The following LUZP2 variants were observed in gnomAD, a reference collection of about 807,000 sequenced individuals.
LUZP2 encodes leucine zipper protein 2.
A neutral mutation model predicts 51.6 loss-of-function variants in LUZP2; 52 were observed. The observed-to-expected ratio is 1.01, with a 90% confidence interval of 0.81 to 1.27. The LOEUF is 1.27. Ranked by LOEUF, LUZP2 falls within the 50% of genes most tolerant of loss-of-function variation. The pLI is 0.00. For missense variants in LUZP2, 436 were observed against 395.4 expected, an observed-to-expected ratio of 1.10 and a Z score of -0.87; for synonymous variants, 154 against 137.3, an observed-to-expected ratio of 1.12 and a Z score of -0.85.
intron 9 of LUZP2, among the ~76,000 whole-genome samples, chr11:24,998,518 G>T (rs1221740043): frequency 1.3e-5 from 2 of 152,170 alleles, no homozygotes; most frequent in Non-Finnish European, 2.9e-5. Context: ...AGGAGATTTT[G>T]GGTGAGACAA....
intron 10 of LUZP2, among the ~76,000 whole-genome samples, chr11:25,075,374 G>A (rs1859270408): frequency 6.6e-6 from 1 of 152,178 alleles, no homozygotes; most frequent in East Asian, 1.9e-4. Flanking sequence ...CCTAAATGTG[G>A]CCATACAAAG....
chr11:24,531,960 A>G (rs905261005), intron 1 of LUZP2, among the ~76,000 whole-genome samples: 1 of 150,902 alleles, frequency 6.6e-6, no homozygotes, highest in African/African-American at 2.4e-5. Context: ...CTTAATTCCA[A>G]CTGCTACCAC....
intron 1 of LUZP2, among the ~76,000 whole-genome samples, chr11:24,605,849 G>T (rs892520228): frequency 1.3e-5 from 2 of 151,428 alleles, no homozygotes; most frequent in African/African-American, 4.9e-5. Flanking sequence ...CCTTTGACCA[G>T]CATATCCCCA....
intron 5 of LUZP2, among the ~76,000 whole-genome samples, chr11:24,787,758 G>A (rs1310821208): frequency 6.6e-6 from 1 of 152,052 alleles, no homozygotes; most frequent in Non-Finnish European, 1.5e-5. Flanking sequence ...AGTTGTTCTT[G>A]TAATTCACAA....
chr11:24,858,314 T>G (rs553722356), intron 5 of LUZP2, among the ~76,000 whole-genome samples: 1 of 152,320 alleles, frequency 6.6e-6, no homozygotes, highest in East Asian at 1.9e-4. Context: ...TCTGTTTTTC[T>G]TCTTTTTTCC....
At chr11:24,813,658 C>T (rs576945660) in intron 5 of LUZP2, among the ~76,000 whole-genome samples, 8 of 152,322 alleles carry the variant, frequency 5.3e-5, no homozygotes, top group South Asian at 2.1e-4. Context: ...CCCACCAGGT[C>T]GCACCTCCAA....
At chr11:24,972,626 C>T (rs917818272) in intron 7 of LUZP2, among the ~76,000 whole-genome samples, 2 of 152,006 alleles carry the variant, frequency 1.3e-5, no homozygotes, top group African/African-American at 4.8e-5. Flanking sequence ...ATTTATTGAA[C>T]ATGAAGGGAT....
In LUZP2 at chr11:24,611,107, A is replaced by T. The variant is rs1365807328; in HGVS notation, c.62+113802A>T. ...TGTTTTGTTTTGTTTTGGCTATCCG[A>T]AGTAACATATAAGTGACTTTTATTT... On this transcript the variant is annotated intron_variant, in intron 1 of 11. Coordinates refer to ENST00000336930, the MANE Select transcript of LUZP2 (RefSeq NM_001009909.4). This position sits in a 1 kb window ranked among gnomAD's most constrained non-coding sequence, Gnocchi z 4.6. Among the ~76,000 whole-genome samples the T allele has an allele frequency of 6.6e-6, 1 of 151,662 alleles. No individual in the cohort carries two copies.
intron 4 of LUZP2, among the ~76,000 whole-genome samples, chr11:24,742,665 G>A (rs974537337): frequency 1.3e-5 from 2 of 151,976 alleles, no homozygotes; most frequent in African/African-American, 4.8e-5. Flanking sequence ...TCTGCTGACT[G>A]TTCCTTTTGC....
intron 5 of LUZP2, among the ~76,000 whole-genome samples, chr11:24,773,463 A>T (rs1285805398): frequency 1.3e-5 from 2 of 152,196 alleles, no homozygotes; most frequent in African/African-American, 2.4e-5. Context: ...AGAGGTGTGG[A>T]ACATAGCCCC....
chr11:24,552,726 A>G (rs938957811), intron 1 of LUZP2, among the ~76,000 whole-genome samples: 6 of 152,102 alleles, frequency 3.9e-5, no homozygotes, highest in Middle Eastern at 3.4e-3. Context: ...TATCTAGGAA[A>G]TAATCAAATA....
chr11:25,050,029 T>C lies in LUZP2; in HGVS notation c.766-9T>C. 1 of 1,539,062 alleles carries C rather than the reference T, an allele frequency of 6.5e-7. No homozygotes were observed. Among genetic ancestry groups the C allele is most frequent in the Non-Finnish European group, 8.8e-7 (1 of 1,138,898 alleles). ...TTCTTTCTTTCTATCTCTCTTCGTC[T>C]CTTTTAAGCCTCAACAAAGTGCTTC... is the stretch of plus-strand genomic sequence containing the variant. On this transcript the variant is annotated splice_polypyrimidine_tract_variant and intron_variant, in intron 9 of 11. Transcript: ENST00000336930.
At chr11:25,061,140 A>G (rs1340542984) in intron 10 of LUZP2, among the ~76,000 whole-genome samples, 2 of 152,132 alleles carry the variant, frequency 1.3e-5, no homozygotes, top group African/African-American at 4.8e-5. Context: ...ACATGACTCC[A>G]AAGCTTATTC....
At chr11:25,019,180 C>A (rs1427290842) in intron 9 of LUZP2, among the ~76,000 whole-genome samples, 1 of 152,096 alleles carries the variant, frequency 6.6e-6, no homozygotes, top group Non-Finnish European at 1.5e-5. Context: ...ACATGTGTCC[C>A]ACCTTATAGT....
chr11:24,522,032 A>G (rs1850657051), intron 1 of LUZP2, among the ~76,000 whole-genome samples: 1 of 152,160 alleles, frequency 6.6e-6, no homozygotes, highest in Non-Finnish European at 1.5e-5. Context: ...AACATTTGGC[A>G]ATAACTGACC....
At chr11:24,666,277 A>C (rs902892030) in intron 1 of LUZP2, among the ~76,000 whole-genome samples, 2 of 152,164 alleles carry the variant, frequency 1.3e-5, no homozygotes, top group African/African-American at 2.4e-5. Flanking sequence ...ATCTGCAGGG[A>C]AGGAAAATCC....
chr11:24,592,076 A>G (rs1248574442), intron 1 of LUZP2, among the ~76,000 whole-genome samples: 1 of 152,204 alleles, frequency 6.6e-6, no homozygotes, highest in Non-Finnish European at 1.5e-5. Context: ...GGAAAAACCC[A>G]CCAGGGCACA....
intron 5 of LUZP2, among the ~76,000 whole-genome samples, chr11:24,822,673 C>T (rs1227407171): frequency 6.6e-6 from 1 of 152,092 alleles, no homozygotes; most frequent in Non-Finnish European, 1.5e-5. Context: ...GCATTTCTGC[C>T]TCCCTGACTT....
intron 5 of LUZP2, among the ~76,000 whole-genome samples, chr11:24,844,560 G>A (rs1256584838): frequency 6.6e-6 from 1 of 152,130 alleles, no homozygotes; most frequent in Non-Finnish European, 1.5e-5. Context: ...GTAACAGGCA[G>A]CCAAATGTTA....
Sources: allele counts gnomAD v4.1 joint callset (sites outside exome capture counted in the v4.1 genomes callset), GRCh38; gene constraint gnomAD v4.1.1; non-coding constraint Gnocchi (gnomAD v3.1); transcripts MANE v1.5; gene names NCBI Gene and HGNC (gene_info 2026-07-23, HGNC 2026-07-21).